The following CDON variants were observed in gnomAD, a reference collection of about 807,000 sequenced individuals.
The protein encoded by CDON is cell adhesion molecule-related/down-regulated by oncogenes.
CDON carries 73 observed loss-of-function variants against 120.9 expected under a neutral mutation model. The observed-to-expected ratio is 0.60, with a 90% CI of 0.50 to 0.73. The LOEUF (loss-of-function observed/expected upper bound fraction) is 0.73. CDON is among the 30% of genes least tolerant of loss of function. CDON has a pLI of 0.00. For synonymous variants in CDON, 566 were observed against 573.5 expected, an observed-to-expected ratio of 0.99 and a Z score of 0.19; for missense variants, 1,470 against 1,587.3, an observed-to-expected ratio of 0.93 and a Z score of 1.26.
rs756043365 is a variant in CDON at position 126,023,429 on chromosome 11, A to G, written c.48T>C (p.Leu16=). 1.2e-5 allele frequency: 19 copies of G among 1,612,998 alleles called. No homozygotes were observed. The South Asian group carries it at 1.6e-4, about 14-fold the overall frequency. The change falls in exon 2 of 20, where the codon CTT becomes CTC. Residue 16 remains leucine, a synonymous_variant. Coordinates refer to ENST00000531738, the MANE Select transcript of CDON (RefSeq NM_001378964.1). ...GPLCTLLYVT[L]TILCSSVSSD... Reference sequence around the variant, plus strand: ...AACTCACAGAAGAGCACAGAATTGTAAGAGTAACATACAGCAGTGTACATA... The same window carrying G: ...AACTCACAGAAGAGCACAGAATTGTGAGAGTAACATACAGCAGTGTACATA...
rs576467169 is a variant in CDON, at chr11:125,973,532, G to GAAAACA, written c.3356+4766_3356+4771dup. Among the ~76,000 whole-genome samples, 129 of 152,146 alleles carry GAAAACA rather than the reference G, an allele frequency of 8.5e-4. 1 individual carries two copies. The highest frequency in any genetic ancestry group is 3.4e-3 in the Middle Eastern group (1 of 294). The stretch of plus-strand genomic sequence containing the variant: ...GGCAACAGAGTGAGACTCCATCTCA[G>GAAAACA]AAAACAAAAACAAAAACAAAAACGA... On this transcript the variant is annotated intron_variant, in intron 18 of 19. Transcript: ENST00000531738.
intron 3 of CDON, among the ~76,000 whole-genome samples, chr11:126,020,485 C>T (rs533179603): frequency 9.2e-5 from 14 of 152,274 alleles, no homozygotes; most frequent in Admixed American, 9.2e-4. Context: ...AGCAGCCTGC[C>T]ACGAGGAATT....
chr11:125,985,631 C>A (rs756076873), intron 15 of CDON, among the ~76,000 whole-genome samples: 1 of 152,096 alleles, frequency 6.6e-6, no homozygotes, highest in East Asian at 1.9e-4. Context: ...CTTATTATAC[C>A]GAATCTCCTG....
At chr11:126,055,094 A>G (rs1948651693) in intron 1 of CDON, among the ~76,000 whole-genome samples, 1 of 152,232 alleles carries the variant, frequency 6.6e-6, no homozygotes, top group African/African-American at 2.4e-5. Context: ...TACATTTCAG[A>G]AAGATCATTA....
chr11:125,983,892 C>T lies in CDON; in HGVS notation c.2975G>A (p.Arg992His), dbSNP rs148664368. 1 of 1,613,568 alleles carries T rather than the reference C, an allele frequency of 6.2e-7. No individual in the cohort carries two copies. Among genetic ancestry groups the T allele is most frequent in the Non-Finnish European group, 8.5e-7 (1 of 1,179,612 alleles). Residue 992 changes from arginine to histidine, a missense_variant, in exon 16 of 20, where the codon CGC becomes CAC. By Grantham distance (29) the Arg-to-His change is conservative. Coordinates refer to ENST00000531738, the MANE Select transcript of CDON (RefSeq NM_001378964.1). Reference protein sequence around the residue: ...VFIAMCLWKNRQQNTIQKYDP... With the variant: ...VFIAMCLWKNHQQNTIQKYDP... ...CTTACTTTGTATGGTATTCTGCTGG[C>T]GATTCTTCCACAGGCACATTGCAAT...
chr11:125,963,989 T>C (rs1389188499), intron 18 of CDON, among the ~76,000 whole-genome samples: 2 of 152,208 alleles, frequency 1.3e-5, no homozygotes, highest in Non-Finnish European at 2.9e-5. Flanking sequence ...GTCTATTTTA[T>C]TCAACCCTGA....
intron 11 of CDON, among the ~76,000 whole-genome samples, chr11:126,001,035 T>C (rs1033335916): frequency 1.3e-5 from 2 of 151,946 alleles, no homozygotes; most frequent in Non-Finnish European, 2.9e-5. Flanking sequence ...TAGCAAAAAA[T>C]AAAAATAAAA....
chr11:126,006,109 C>G (rs1947122152), intron 8 of CDON, 52 bp from the exon 9 acceptor site: 2 of 1,562,060 alleles, frequency 1.3e-6, no homozygotes, highest in African/African-American at 2.7e-5. Flanking sequence ...ATTTCATTGT[C>G]TTCTACCCAG....
At chr11:126,006,898 A>G (rs1425748193) in intron 8 of CDON, among the ~76,000 whole-genome samples, 1 of 152,206 alleles carries the variant, frequency 6.6e-6, no homozygotes, top group East Asian at 1.9e-4. Context: ...TAATTCTCCA[A>G]ACATTCTTAG....
At chr11:125,978,632 C>A (rs967405550) in intron 17 of CDON, among the ~76,000 whole-genome samples, 1 of 152,170 alleles carries the variant, frequency 6.6e-6, no homozygotes, top group Non-Finnish European at 1.5e-5. Context: ...TGTTTTCCTA[C>A]GTATTTCTGT....
intron 7 of CDON, 27 bp downstream of exon 7, chr11:126,015,214 T>C (rs752045870): frequency 1.2e-6 from 2 of 1,611,162 alleles, no homozygotes; most frequent in Non-Finnish European, 1.7e-6. Flanking sequence ...TAAAAGTTCT[T>C]ATGACTGGCA....
chr11:125,992,983 T>C (rs985138611), intron 14 of CDON, among the ~76,000 whole-genome samples: 1 of 152,188 alleles, frequency 6.6e-6, no homozygotes, highest in South Asian at 2.1e-4. Context: ...TCAGCTTCAA[T>C]TGAGCACTTC....
chr11:126,038,015 C>T lies in CDON; in HGVS notation c.-61-14478G>A, dbSNP rs747317597. ...AAAAAACAGCAAAGATATCCAAAGT[C>T]GACAAAATTTCAGCTCTAAACATTT... On this transcript the variant is annotated intron_variant, in intron 1 of 19. Coordinates refer to ENST00000531738, the MANE Select transcript of CDON (RefSeq NM_001378964.1). 3.3e-5 allele frequency among the ~76,000 whole-genome samples: 5 copies of T among 152,054 alleles called. No homozygotes were observed. The East Asian group carries it at 7.7e-4, about 23-fold the overall frequency.
At chr11:126,051,847 C>T (rs1454469342) in intron 1 of CDON, among the ~76,000 whole-genome samples, 2 of 151,788 alleles carry the variant, frequency 1.3e-5, no homozygotes, top group African/African-American at 2.4e-5. Context: ...CAGGGTTTCA[C>T]GATGTTGGCC....
chr11:126,002,650 C>A (rs1411545484), intron 10 of CDON, among the ~76,000 whole-genome samples: 1 of 152,226 alleles, frequency 6.6e-6, no homozygotes, highest in Admixed American at 6.5e-5. Flanking sequence ...TTCCCCAGCA[C>A]TGTCCTTGGA....
chr11:125,963,170 G>A (rs1945693794), intron 18 of CDON, among the ~76,000 whole-genome samples: 1 of 151,982 alleles, frequency 6.6e-6, no homozygotes, highest in South Asian at 2.1e-4. Flanking sequence ...TATTTCAAGG[G>A]TAGACTCTTA....
At chr11:125,961,654 C>T in intron 19 of CDON, 70 bp downstream of exon 19, 1 of 1,603,030 alleles carries the variant, frequency 6.2e-7, no homozygotes, top group Non-Finnish European at 8.5e-7. Flanking sequence ...GAAAGCATCA[C>T]CTTCCCATAC....
chr11:125,994,184 C>T, intron 14 of CDON, 100 bp downstream of exon 14: 1 of 743,208 alleles, frequency 1.3e-6, no homozygotes, highest in Non-Finnish European at 2.4e-6. Flanking sequence ...TACACCATTC[C>T]ATTTTGTACT....
chr11:125,996,161 AACACACACACACACACACAC>A (rs35536827), intron 12 of CDON, among the ~76,000 whole-genome samples: 9 of 146,042 alleles, frequency 6.2e-5, no homozygotes, highest in South Asian at 2.2e-4. Context: ...GTCACAGCAA[AACACACACACACACACACAC>A]ACACACACAC....
Sources: allele counts gnomAD v4.1 joint callset (sites outside exome capture counted in the v4.1 genomes callset), GRCh38; gene constraint gnomAD v4.1.1; transcripts MANE v1.5; gene names NCBI Gene and HGNC (gene_info 2026-07-23, HGNC 2026-07-21).